WNT2B: variants seen among roughly 807,000 people sequenced by gnomAD.
WNT2B encodes Wnt family member 2B, also known as protein Wnt-2b.
A neutral mutation model predicts 40.5 loss-of-function variants in WNT2B; 19 were observed. The ratio of observed to expected loss-of-function variants is 0.47; its 90% confidence interval spans 0.33 to 0.69. The LOEUF (loss-of-function observed/expected upper bound fraction) is 0.69. WNT2B is among the 30% of genes least tolerant of loss of function. The pLI, the probability that WNT2B is intolerant of heterozygous loss-of-function variation, is 0.02. For missense variants in WNT2B, 467 were observed against 556.4 expected (o/e 0.84, Z 1.62); for synonymous variants, 220 against 211.9 (o/e 1.04, Z -0.33).
At chr1:112,499,313 G>C (rs547765025) in intron 1 of WNT2B, among the ~76,000 whole-genome samples, 1 of 151,716 alleles carries the variant, frequency 6.6e-6, no homozygotes, top group South Asian at 2.1e-4. Context: ...TATTCTATAA[G>C]TCCAGCATTA....
Position 112,520,370 on chromosome 1 carries a change from C to T in WNT2B, c.1037C>T (p.Thr346Ile), listed in dbSNP as rs201872478. The stretch of plus-strand genomic sequence containing the variant: ...ATGTGCTGTGGCCGAGGGTACGACA[C>T]AACTCGAGTCACCCGTGTTACCCAG... ...EIMCCGRGYD[T>I]TRVTRVTQCE... Residue 346 changes from threonine to isoleucine, a missense_variant, in exon 5 of 5, where the codon ACA (threonine) becomes ATA (isoleucine). This residue lies in a region of WNT2B where 330 missense variants were observed against 438.6 expected (regional missense o/e 0.75). Coordinates refer to ENST00000369684, the MANE Select transcript of WNT2B (RefSeq NM_024494.3). The T allele has an allele frequency of 3.7e-6, 6 of 1,614,024 alleles. No homozygotes were observed. Among genetic ancestry groups the T allele is most frequent in the Non-Finnish European group, 5.1e-6 (6 of 1,180,036 alleles).
upstream of WNT2B, chr1:112,508,868 T>C: frequency 9.9e-7 from 1 of 1,008,808 alleles, no homozygotes; most frequent in Non-Finnish European, 1.2e-6. This position sits in a 1 kb window ranked among gnomAD's most constrained non-coding sequence, Gnocchi z 4.2. Context: ...CGCCCCGGGC[T>C]TGGCGCGGGC....
Position 112,509,098 on chromosome 1 carries a change from C to A in WNT2B, c.-165C>A, listed in dbSNP as rs1447236694. On this transcript the variant is annotated 5_prime_UTR_variant, in exon 1 of 5. Transcript: ENST00000369684. This position sits in a 1 kb window ranked among gnomAD's most constrained non-coding sequence, Gnocchi z 4.2. ...CGGACATCGCAACTTGCGCCCCTCT[C>A]GGGGATCCTCCTCCCGGGCTCTGGA... 2.2e-6 allele frequency: 3 copies of A among 1,357,932 alleles called. No homozygotes were observed. Among genetic ancestry groups the A allele is most frequent in the South Asian group, 1.8e-5 (1 of 54,508 alleles). The allele number at this position is 1,357,932 out of a possible 1,614,324, so 84.1% of individuals were successfully genotyped here.
chr1:112,509,580 A>C lies in WNT2B; in HGVS notation c.182+136A>C. The C allele has an allele frequency of 1.0e-6, 1 of 1,003,080 alleles. No individual in the cohort carries two copies. Among genetic ancestry groups the C allele is most frequent in the South Asian group, 2.4e-5 (1 of 41,470 alleles). 62.1% of individuals were successfully genotyped at this position (1,003,080 alleles called of 1,614,324 possible). A position where few individuals can be genotyped will look rare whatever the true frequency, so the allele number is the denominator to read the frequency against. On this transcript the variant is annotated intron_variant, in intron 1 of 4. Coordinates refer to ENST00000369684, the MANE Select transcript of WNT2B (RefSeq NM_024494.3). This position sits in a 1 kb window ranked among gnomAD's most constrained non-coding sequence, Gnocchi z 4.2. ...ACGATTCGGGCAGGACTGTCACTGA[A>C]ATCTGAAGTCGCGGGGTGGCGGGAG...
Position 112,526,848 on chromosome 1 carries a change from C to A in WNT2B, c.*6339C>A, listed in dbSNP as rs1653511636. The A allele has an allele frequency of 6.6e-6, 1 of 152,138 alleles. No homozygotes were observed. Among genetic ancestry groups the A allele is most frequent in the African/African-American group, 2.4e-5 (1 of 41,432 alleles). 9.4% of individuals were successfully genotyped at this position (152,138 alleles called of 1,614,324 possible). A position where few individuals can be genotyped will look rare whatever the true frequency, so the allele number is the denominator to read the frequency against. On this transcript the variant is annotated 3_prime_UTR_variant, in exon 5 of 5. Coordinates refer to ENST00000369684, the MANE Select transcript of WNT2B (RefSeq NM_024494.3). Reference sequence around the variant, plus strand: ...GAAAGCAAGATGAGGGAATAAGTGTCCTAAGAAACTCCCATCCCAAGCCAG... The same window carrying A: ...GAAAGCAAGATGAGGGAATAAGTGTACTAAGAAACTCCCATCCCAAGCCAG...
At chr1:112,514,425 A>G (rs933329278) in intron 1 of WNT2B, among the ~76,000 whole-genome samples, 12 of 152,182 alleles carry the variant, frequency 7.9e-5, no homozygotes, top group African/African-American at 2.9e-4. Context: ...CTGTCAAACC[A>G]TATCTTCGTG....
At chr1:112,483,601 CA>C (rs1651301436) in intron 1 of WNT2B, among the ~76,000 whole-genome samples, 1 of 151,150 alleles carries the variant, frequency 6.6e-6, no homozygotes, top group Admixed American at 6.6e-5. Context: ...ACAAAAAGCA[CA>C]AGCAACAGAA....
Position 112,522,413 on chromosome 1 carries a change from T to G in WNT2B, c.*1904T>G, listed in dbSNP as rs1652931181. The G allele has an allele frequency of 6.6e-6, 1 of 152,160 alleles. No individual in the cohort carries two copies. Among genetic ancestry groups the G allele is most frequent in the Non-Finnish European group, 1.5e-5 (1 of 67,974 alleles). 9.4% of individuals were successfully genotyped at this position (152,160 alleles called of 1,614,324 possible). A position where few individuals can be genotyped will look rare whatever the true frequency, so the allele number is the denominator to read the frequency against. ...AGCCCCTGGCTGGTCTAGCCCATCATGACTTCTCTAGGAACAGTCCTTCTT... is the reference window on the plus strand; with the variant it reads ...AGCCCCTGGCTGGTCTAGCCCATCAGGACTTCTCTAGGAACAGTCCTTCTT... On this transcript the variant is annotated 3_prime_UTR_variant, in exon 5 of 5. Coordinates refer to ENST00000369684, the MANE Select transcript of WNT2B (RefSeq NM_024494.3).
At chr1:112,500,688 C>T (rs1651920525) in intron 1 of WNT2B, among the ~76,000 whole-genome samples, 1 of 152,126 alleles carries the variant, frequency 6.6e-6, no homozygotes, top group Admixed American at 6.5e-5. Flanking sequence ...GGGAAGATGG[C>T]TTGAGCCCAG....
chr1:112,520,362 G>T lies in WNT2B; in HGVS notation c.1029G>T (p.Gly343=). 1 of 1,614,156 alleles carries T rather than the reference G, an allele frequency of 6.2e-7. No homozygotes were observed. The highest frequency in any genetic ancestry group is 8.5e-7 in the Non-Finnish European group (1 of 1,180,010). The stretch of plus-strand genomic sequence containing the variant: ...GTGAAATCATGTGCTGTGGCCGAGG[G>T]TACGACACAACTCGAGTCACCCGTG... ...DGCEIMCCGR[G]YDTTRVTRVT... is the part of the protein sequence containing the mutation. Residue 343 remains glycine (G), a synonymous_variant, in exon 5 of 5, where the codon GGG becomes GGT. Coordinates refer to ENST00000369684, the MANE Select transcript of WNT2B (RefSeq NM_024494.3).
chr1:112,500,634 T>C (rs990557410), intron 1 of WNT2B, among the ~76,000 whole-genome samples: 3 of 151,898 alleles, frequency 2.0e-5, no homozygotes, highest in Admixed American at 6.6e-5. Flanking sequence ...TATTTAGGCA[T>C]GGTGGTGCAT....
At position 112,481,169 on chromosome 1, in the gene WNT2B, CA is replaced by C. The variant is rs66462658; in HGVS notation, c.-95+13593del. ...GGGCAACAAGAGCAAAATTTCGTCT[CA>C]AAAAAAAAAAAAAATTATACACCCT... is the stretch of plus-strand genomic sequence containing the variant. On this transcript the variant is annotated intron_variant, in intron 1 of 4. Transcript: ENST00000256640. Among the ~76,000 whole-genome samples, 781 of 136,830 alleles carry C rather than the reference CA, an allele frequency of 5.7e-3. 2 individuals carry two copies. Among genetic ancestry groups the C allele is most frequent in the African/African-American group, 0.012 (476 of 38,654 alleles). 89.8% of individuals were successfully genotyped at this position (136,830 alleles called of 152,430 possible).
intron 1 of WNT2B, among the ~76,000 whole-genome samples, chr1:112,495,588 C>CAAAA (rs1172484242): frequency 1.4e-4 from 13 of 94,544 alleles, no homozygotes; most frequent in African/African-American, 4.2e-4. Flanking sequence ...GACTCTGTCT[C>CAAAA]AAAAAAAAAA....
exon 1 of WNT2B, chr1:112,467,373 A>G (rs1411001349): frequency 1.7e-6 from 1 of 593,992 alleles, no homozygotes; most frequent in Non-Finnish European, 3.1e-6. Context: ...CCAAGAAGCT[A>G]ATGAGGTTTA....
chr1:112,528,724 T>G lies in WNT2B; in HGVS notation c.*8215T>G, dbSNP rs1653865323. The G allele has an allele frequency of 6.6e-6, 1 of 152,196 alleles. No individual in the cohort carries two copies. The highest frequency in any genetic ancestry group is 2.4e-5 in the African/African-American group (1 of 41,458). 9.4% of individuals were successfully genotyped at this position (152,196 alleles called of 1,614,324 possible). ...TTAAAATAGAAAATACATGCTGCTT[T>G]TCCTCACTCCCAAACTTAAAACTTG... On this transcript the variant is annotated 3_prime_UTR_variant, in exon 5 of 5. Coordinates refer to ENST00000369684, the MANE Select transcript of WNT2B (RefSeq NM_024494.3).
At chr1:112,520,153 T>A (rs1266214864) in intron 4 of WNT2B, 127 bp from the exon 5 acceptor site, 1 of 851,170 alleles carries the variant, frequency 1.2e-6, no homozygotes, top group Non-Finnish European at 1.8e-6. Flanking sequence ...ATGATAGGCA[T>A]GAGTGAGCCA....
intron 1 of WNT2B, among the ~76,000 whole-genome samples, chr1:112,473,363 A>G (rs1400110818): frequency 6.6e-6 from 1 of 152,164 alleles, no homozygotes; most frequent in East Asian, 1.9e-4. Context: ...AGATAGGGAA[A>G]AGATTGAGTT....
At position 112,520,491 on chromosome 1, in the gene WNT2B, G is replaced by A. The variant is rs1382752196; in HGVS notation, c.1158G>A (p.Glu386=). ...VHTCKAPKKA[E]WLDQT is the part of the protein sequence containing the mutation. ...CTTGCAAAGCCCCCAAGAAGGCAGA[G>A]TGGCTGGACCAAACCTGAACACACA... Residue 386 remains glutamate, a synonymous_variant, in exon 5 of 5, where the codon GAG becomes GAA. Transcript: ENST00000369684. The A allele has an allele frequency of 1.2e-6, 2 of 1,613,986 alleles. No individual in the cohort carries two copies. Among genetic ancestry groups the A allele is most frequent in the African/African-American group, 2.7e-5 (2 of 74,914 alleles).
chr1:112,513,699 T>A (rs1355836119), intron 1 of WNT2B, among the ~76,000 whole-genome samples: 1 of 152,160 alleles, frequency 6.6e-6, no homozygotes, highest in Non-Finnish European at 1.5e-5. Context: ...GTCTTTTCTG[T>A]CTGCAGTAAC....
Sources: gnomAD v4.1 joint callset for allele counts (sites outside exome capture counted in the v4.1 genomes callset) on GRCh38, gnomAD v4.1.1 for gene constraint, gnomAD v4.1.1 regional missense constraint, Gnocchi (gnomAD v3.1) non-coding constraint, MANE v1.5 for transcripts, NCBI Gene and HGNC (gene_info 2026-07-23, HGNC 2026-07-21) for gene names.